Variants in PCDHGA1 observed in about 807,000 individuals in gnomAD.
The protein encoded by PCDHGA1 is protocadherin gamma-A1.
In PCDHGA1, 32 loss-of-function variants were observed where a neutral mutation model predicts 58.0. The ratio of observed to expected loss-of-function variants is 0.55; its 90% CI spans 0.42 to 0.74. PCDHGA1 has a LOEUF of 0.74. Ranked by LOEUF, PCDHGA1 falls within the 30% of genes least tolerant of loss-of-function variation. The probability of loss-of-function intolerance (pLI) is 0.00; values close to 1 mark genes in which losing one functional copy is unlikely to be tolerated. For missense variants in PCDHGA1, 1,205 were observed against 1,182.3 expected, an observed-to-expected ratio of 1.02 and a Z score of -0.28; for synonymous variants, 498 against 501.1, an observed-to-expected ratio of 0.99 and a Z score of 0.08.
In PCDHGA1 at chr5:141,344,276, C is replaced by T. The variant is rs143610564; in HGVS notation, c.2421+11171C>T. ...AGCTTTTCTCTCTGAATCCGCAAAG[C>T]GGCAGCTTGGTCACCGCGGAGAGGA... On this transcript the variant is annotated intron_variant, in intron 1 of 3. Coordinates refer to ENST00000517417, the MANE Select transcript of PCDHGA1 (RefSeq NM_018912.3). 226 of 1,614,066 alleles carry T rather than the reference C, an allele frequency of 1.4e-4. 1 individual carries two copies. In the East Asian group the frequency reaches 2.9e-3, roughly 20 times the overall value.
chr5:141,376,255 G>C, intron 1 of PCDHGA1: 1 of 1,614,256 alleles, frequency 6.2e-7, no homozygotes, highest in Non-Finnish European at 8.5e-7. Context: ...AGTCACGCCT[G>C]CTGCAGGCTT....
In PCDHGA1 at chr5:141,491,409, G is replaced by T; in HGVS notation, c.2422-3398G>T. The T allele has an allele frequency of 6.8e-6, 11 of 1,614,118 alleles. No individual in the cohort carries two copies. Among genetic ancestry groups the T allele is most frequent in the Non-Finnish European group, 9.3e-6 (11 of 1,180,014 alleles). On this transcript the variant is annotated intron_variant, in intron 1 of 3. Coordinates refer to ENST00000517417, the MANE Select transcript of PCDHGA1 (RefSeq NM_018912.3). The surrounding 1 kb of genome is among the most constrained non-coding windows in gnomAD (Gnocchi z 6.9). ...AGTGCCTTCAGGGAAACGCAGACGG[G>T]GACGGGGGTGGAGGGCAGTGCTGCA...
chr5:141,445,048 A>G (rs1364884310), intron 1 of PCDHGA1, among the ~76,000 whole-genome samples: 4 of 152,234 alleles, frequency 2.6e-5, no homozygotes, highest in Non-Finnish European at 5.9e-5. Flanking sequence ...TTTTCAGTGT[A>G]GAGAGGTCAT....
chr5:141,365,768 G>A (rs1246552960), intron 1 of PCDHGA1: 2 of 1,613,812 alleles, frequency 1.2e-6, no homozygotes, highest in African/African-American at 1.3e-5. Flanking sequence ...CCATGACCCC[G>A]ACAGCGGCGA....
At chr5:141,349,482 C>G (rs1289777115) in intron 1 of PCDHGA1, among the ~76,000 whole-genome samples, 1 of 152,096 alleles carries the variant, frequency 6.6e-6, no homozygotes, top group Non-Finnish European at 1.5e-5. Context: ...TAAATTGGCC[C>G]TTTTAACAAA....
chr5:141,344,113 G>C, intron 1 of PCDHGA1: 1 of 1,614,034 alleles, frequency 6.2e-7, no homozygotes. Context: ...TGCGAAACAG[G>C]ATCCGGTCAG....
chr5:141,382,422 C>A (rs1778191772), intron 1 of PCDHGA1, among the ~76,000 whole-genome samples: 1 of 152,092 alleles, frequency 6.6e-6, no homozygotes, highest in Admixed American at 6.5e-5. Context: ...AGTCAGTGCC[C>A]AAAAGAGTCA....
intron 1 of PCDHGA1, chr5:141,362,030 T>C: frequency 1.2e-6 from 2 of 1,608,762 alleles, no homozygotes; most frequent in South Asian, 1.1e-5. Context: ...GCGCGTGCCT[T>C]GGGCGACAGG....
intron 1 of PCDHGA1, chr5:141,370,361 T>G (rs747397059): frequency 1.4e-5 from 22 of 1,517,974 alleles, no homozygotes; most frequent in Non-Finnish European, 1.7e-5. Context: ...TCTCCTCTCC[T>G]CGGATTTAGA....
chr5:141,405,459 A>G (rs553327050), intron 1 of PCDHGA1: 1 of 1,229,452 alleles, frequency 8.1e-7, no homozygotes, highest in African/African-American at 1.5e-5. Context: ...TTACTCTGTT[A>G]CCCAGGCTGG....
At chr5:141,394,607 G>C (rs769750411) in intron 1 of PCDHGA1, 10 of 1,613,414 alleles carry the variant, frequency 6.2e-6, no homozygotes, top group South Asian at 2.2e-5. Context: ...ACAGAGACTC[G>C]GGCCAGAACG....
At position 141,383,035 on chromosome 5, in the gene PCDHGA1, G is replaced by A. The variant is rs550075608; in HGVS notation, c.2421+49930G>A. ...GGAGACGGACAAAGGGTCCTTTGTG[G>A]GAGACATCGCCAAGGACCTGGGGCT... On this transcript the variant is annotated intron_variant, in intron 1 of 3. Coordinates refer to ENST00000517417, the MANE Select transcript of PCDHGA1 (RefSeq NM_018912.3). 3.1e-6 allele frequency: 5 copies of A among 1,613,882 alleles called. No individual in the cohort carries two copies. In the South Asian group the frequency reaches 5.5e-5, roughly 18 times the overall value.
In PCDHGA1 at chr5:141,491,632, C is replaced by T; in HGVS notation, c.2422-3175C>T. On this transcript the variant is annotated intron_variant, in intron 1 of 3. Transcript: ENST00000517417. This position sits in a 1 kb window ranked among gnomAD's most constrained non-coding sequence, Gnocchi z 6.9. ...TCTAAGACCCCTCAGCGTTCAGCAG[C>T]CCACAGCTCTGGCGCTGGAGCCTGA... 1.2e-6 allele frequency: 2 copies of T among 1,613,886 alleles called. No individual in the cohort carries two copies. The highest frequency in any genetic ancestry group is 1.7e-6 in the Non-Finnish European group (2 of 1,179,994).
Position 141,372,039 on chromosome 5 carries a change from C to A in PCDHGA1, c.2421+38934C>A, listed in dbSNP as rs757866605. 4.3e-6 allele frequency: 7 copies of A among 1,613,350 alleles called. No homozygotes were observed. Among genetic ancestry groups the A allele is most frequent in the Admixed American group, 1.7e-5 (1 of 59,996 alleles). ...TACGCTCAGCGCCAACGTGAGCCTG[C>A]GCGTGTTGGTGGACGACCGCAACGA... On this transcript the variant is annotated intron_variant, in intron 1 of 3. Coordinates refer to ENST00000517417, the MANE Select transcript of PCDHGA1 (RefSeq NM_018912.3).
At chr5:141,355,215 T>G in intron 1 of PCDHGA1, 1 of 1,603,504 alleles carries the variant, frequency 6.2e-7, no homozygotes, top group South Asian at 1.1e-5. Context: ...CGGCGCCTCC[T>G]GCTCGCCCAG....
chr5:141,404,952 G>T, intron 1 of PCDHGA1: 1 of 1,614,030 alleles, frequency 6.2e-7, no homozygotes, highest in Non-Finnish European at 8.5e-7. Flanking sequence ...ATAGCTGACA[G>T]CATCCCAGAC....
intron 1 of PCDHGA1, among the ~76,000 whole-genome samples, chr5:141,456,572 C>T (rs958661783): frequency 6.6e-6 from 1 of 152,168 alleles, no homozygotes; most frequent in Non-Finnish European, 1.5e-5. Flanking sequence ...CCACATTTTC[C>T]CTGAGCCTGT....
At chr5:141,378,150 T>C (rs915126320) in intron 1 of PCDHGA1, 8 of 152,250 alleles carry the variant, frequency 5.3e-5, no homozygotes, top group African/African-American at 1.7e-4. Flanking sequence ...ATTATAATTA[T>C]TGGGTTGTTA....
Position 141,331,046 on chromosome 5 carries a change from T to G in PCDHGA1, c.362T>G (p.Val121Gly). Residue 121 changes from valine to glycine, a missense_variant, in exon 1 of 4, where the codon GTA (valine) becomes GGA (glycine). Val to Gly is a moderately radical substitution (Grantham distance 109). Coordinates refer to ENST00000517417, the MANE Select transcript of PCDHGA1 (RefSeq NM_018912.3). ...EDKMKLFPVEVEIIDINDNTP... is the reference protein window; with the variant it reads ...EDKMKLFPVEGEIIDINDNTP... Reference sequence around the variant, plus strand: ...AAAATGAAGCTTTTTCCTGTTGAAGTAGAAATAATTGATATTAATGACAAC... The same window carrying G: ...AAAATGAAGCTTTTTCCTGTTGAAGGAGAAATAATTGATATTAATGACAAC... 1 of 1,614,090 alleles carries G rather than the reference T, an allele frequency of 6.2e-7. No homozygotes were observed. Among genetic ancestry groups the G allele is most frequent in the African/African-American group, 1.3e-5 (1 of 75,010 alleles).
Sources: gnomAD v4.1 joint callset for allele counts (sites outside exome capture counted in the v4.1 genomes callset) on GRCh38, gnomAD v4.1.1 for gene constraint, Gnocchi (gnomAD v3.1) non-coding constraint, MANE v1.5 for transcripts, NCBI Gene and HGNC (gene_info 2026-07-23, HGNC 2026-07-21) for gene names.